Variants in TRIM23 observed in about 807,000 individuals in gnomAD.
TRIM23 encodes the protein tripartite motif containing 23.
In TRIM23, 27 loss-of-function variants were observed where a neutral mutation model predicts 71.0. The observed-to-expected ratio is 0.38, with a 90% CI of 0.28 to 0.52. The LOEUF (loss-of-function observed/expected upper bound fraction) is 0.52, where lower values mean the gene tolerates loss of function less well. Among genes scored for constraint, TRIM23 ranks in the 20% least tolerant of loss-of-function variants. The probability of loss-of-function intolerance (pLI) is 0.84; values close to 1 mark genes in which losing one functional copy is unlikely to be tolerated. For missense variants in TRIM23, 482 were observed against 692.3 expected, an observed-to-expected ratio of 0.70 and a Z score of 3.41; for synonymous variants, 234 against 238.0, an observed-to-expected ratio of 0.98 and a Z score of 0.16.
intron 1 of TRIM23, among the ~76,000 whole-genome samples, chr5:65,623,209 T>TGA (rs1754996517): frequency 6.6e-6 from 1 of 152,326 alleles, no homozygotes; most frequent in Non-Finnish European, 1.5e-5. Context: ...AAACTTCATA[T>TGA]ATTACCTTGA....
At chr5:65,610,451 T>C (rs572007900) in intron 5 of TRIM23, among the ~76,000 whole-genome samples, 1 of 152,352 alleles carries the variant, frequency 6.6e-6, no homozygotes, top group South Asian at 2.1e-4. Flanking sequence ...TACAGTGAGC[T>C]TCTTTAAGTC....
At chr5:65,606,754 A>G (rs900016426) in intron 6 of TRIM23, among the ~76,000 whole-genome samples, 1 of 152,146 alleles carries the variant, frequency 6.6e-6, no homozygotes, top group Non-Finnish European at 1.5e-5. Context: ...TTCCCTCAAT[A>G]ATGCTTACCC....
intron 7 of TRIM23, among the ~76,000 whole-genome samples, chr5:65,598,339 G>A (rs1175404931): frequency 6.6e-6 from 1 of 152,176 alleles, no homozygotes; most frequent in Non-Finnish European, 1.5e-5. Flanking sequence ...CCAGTGAAAG[G>A]GGTAATAAAA....
At chr5:65,596,989 C>G (rs952323589) in intron 8 of TRIM23, 62 bp downstream of exon 8, 7 of 1,589,254 alleles carry the variant, frequency 4.4e-6, no homozygotes, top group Non-Finnish European at 6.0e-6. Context: ...AAATAAGACC[C>G]CAAGAACTTG....
chr5:65,592,949 T>C (rs1474295804), intron 10 of TRIM23, among the ~76,000 whole-genome samples: 1 of 152,178 alleles, frequency 6.6e-6, no homozygotes, highest in Non-Finnish European at 1.5e-5. Flanking sequence ...TATAAATCCA[T>C]ATATATACAC....
chr5:65,620,277 A>G (rs1210123792), intron 1 of TRIM23, among the ~76,000 whole-genome samples: 1 of 152,146 alleles, frequency 6.6e-6, no homozygotes, highest in African/African-American at 2.4e-5. Context: ...TACTTACCAA[A>G]TTTAAATAAC....
intron 1 of TRIM23, among the ~76,000 whole-genome samples, chr5:65,621,309 G>A (rs1754938591): frequency 2.0e-5 from 3 of 152,192 alleles, no homozygotes; most frequent in Non-Finnish European, 4.4e-5. Flanking sequence ...CCAAGATTGT[G>A]CCACTGCCCT....
intron 1 of TRIM23, among the ~76,000 whole-genome samples, chr5:65,623,855 A>C (rs1233086866): frequency 2.0e-5 from 3 of 152,260 alleles, no homozygotes; most frequent in South Asian, 4.1e-4. Flanking sequence ...AGTTACGATG[A>C]TGATGACTCA....
intron 2 of TRIM23, among the ~76,000 whole-genome samples, chr5:65,615,163 A>G (rs1378605686): frequency 6.6e-6 from 1 of 152,110 alleles, no homozygotes; most frequent in Non-Finnish European, 1.5e-5. Flanking sequence ...CAGCCTCCCA[A>G]AGTGCTGGGA....
At chr5:65,621,797 A>C (rs1054985262) in intron 1 of TRIM23, among the ~76,000 whole-genome samples, 6 of 83,132 alleles carry the variant, frequency 7.2e-5, no homozygotes, top group Non-Finnish European at 1.6e-4. Context: ...GTAATCAATC[A>C]GATATTTTAT....
At chr5:65,599,478 G>A (rs1321305226) in intron 7 of TRIM23, among the ~76,000 whole-genome samples, 2 of 152,160 alleles carry the variant, frequency 1.3e-5, no homozygotes, top group Non-Finnish European at 1.5e-5. Context: ...GCTTTTGCCA[G>A]TACTTTTAAT....
chr5:65,623,695 A>G (rs1403190982), intron 1 of TRIM23, among the ~76,000 whole-genome samples: 1 of 151,722 alleles, frequency 6.6e-6, no homozygotes, highest in African/African-American at 2.4e-5. Context: ...GACGCAGTAC[A>G]AGAGCGAAAA....
In TRIM23 at chr5:65,615,451, C is replaced by T. The variant is rs555280175; in HGVS notation, c.245-1232G>A. The stretch of plus-strand genomic sequence containing the variant: ...CATCTGATATAGCTGCCACCTAATA[C>T]ATATTCATTAAATGAATAAATATAT... On this transcript the variant is annotated intron_variant, in intron 2 of 10. Transcript: ENST00000231524. 7.9e-5 allele frequency among the ~76,000 whole-genome samples: 12 copies of T among 152,018 alleles called. No homozygotes were observed. The East Asian group carries it at 2.3e-3, about 29-fold the overall frequency.
At chr5:65,604,872 G>C in intron 7 of TRIM23, 39 bp downstream of exon 7, 1 of 1,528,742 alleles carries the variant, frequency 6.5e-7, no homozygotes, top group South Asian at 1.3e-5. Flanking sequence ...ATTATGATTT[G>C]TCAGAAAAAA....
rs1581171560 is a variant in TRIM23, at chr5:65,590,827, C to A, written c.*942G>T. 4 of 985,412 alleles carry A rather than the reference C, an allele frequency of 4.1e-6. No homozygotes were observed. Among genetic ancestry groups the A allele is most frequent in the African/African-American group, 1.7e-5 (1 of 57,234 alleles). 61.0% of individuals were successfully genotyped at this position (985,412 alleles called of 1,614,324 possible). ...TAATAAGCATTTGCCACTGTACTTA[C>A]AACTTCTCTTGAAGTTCGCTTTCTA... On this transcript the variant is annotated 3_prime_UTR_variant, in exon 11 of 11. Transcript: ENST00000231524.
intron 5 of TRIM23, 80 bp downstream of exon 5, chr5:65,610,781 G>T (rs1754628529): frequency 6.5e-6 from 8 of 1,234,702 alleles, no homozygotes; most frequent in Non-Finnish European, 9.0e-6. Flanking sequence ...AATTGTAATT[G>T]CCCATTAATT....
At chr5:65,616,685 C>G (rs956563022) in intron 2 of TRIM23, among the ~76,000 whole-genome samples, 1 of 147,698 alleles carries the variant, frequency 6.8e-6, no homozygotes, top group African/African-American at 2.5e-5. Context: ...GTTCTATTCT[C>G]TATTTGAAAA....
Position 65,596,270 on chromosome 5 carries a change from T to C in TRIM23, c.1420+151A>G, listed in dbSNP as rs1754203784. ...AAGTATATATCCTAATCTTTCTACT[T>C]TCATTTTTTACAAGTTAAGAAACTG... On this transcript the variant is annotated intron_variant, in intron 9 of 10. Transcript: ENST00000231524. The C allele has an allele frequency of 1.8e-5, 11 of 621,788 alleles. No homozygotes were observed. In the South Asian group the frequency reaches 2.0e-4, roughly 11 times the overall value. The allele number at this position is 621,788 out of a possible 1,614,324, so 38.5% of individuals were successfully genotyped here. A position where few individuals can be genotyped will look rare whatever the true frequency, so the allele number is the denominator to read the frequency against.
rs1754014662 is a variant in TRIM23, at chr5:65,591,257, C to G, written c.*512G>C. Reference sequence around the variant, plus strand: ...ACTCTGAACATAAACATAAAGTAATCCTATTATCCAAATATGTAGTTTGGA... The same window carrying G: ...ACTCTGAACATAAACATAAAGTAATGCTATTATCCAAATATGTAGTTTGGA... On this transcript the variant is annotated 3_prime_UTR_variant, in exon 11 of 11. Transcript: ENST00000231524. The G allele has an allele frequency of 8.4e-6, 11 of 1,310,428 alleles. No homozygotes were observed. The highest frequency in any genetic ancestry group is 1.1e-5 in the Non-Finnish European group (11 of 1,031,878). 81.2% of individuals were successfully genotyped at this position (1,310,428 alleles called of 1,614,324 possible).
Sources: allele counts gnomAD v4.1 joint callset (sites outside exome capture counted in the v4.1 genomes callset), GRCh38; gene constraint gnomAD v4.1.1; transcripts MANE v1.5; gene names NCBI Gene and HGNC (gene_info 2026-07-23, HGNC 2026-07-21).